Variants in BRD10 observed in about 807,000 individuals in gnomAD.
BRD10 encodes bromodomain containing 10.
chr9:5,940,446 G>A, the BRD10 span, among the ~76,000 whole-genome samples: 1 of 152,118 alleles, frequency 6.6e-6, no homozygotes, highest in Non-Finnish European at 1.5e-5. Context: ...GCCCACCTTG[G>A]CCTCCCAAAG....
At chr9:6,000,340 T>C in the BRD10 span, among the ~76,000 whole-genome samples, 1 of 152,124 alleles carries the variant, frequency 6.6e-6, no homozygotes, top group Non-Finnish European at 1.5e-5. Context: ...TAACATGAAT[T>C]TTAAGATTCA....
At chr9:5,883,557 G>C in the BRD10 span, among the ~76,000 whole-genome samples, 1 of 135,148 alleles carries the variant, frequency 7.4e-6, no homozygotes, top group African/African-American at 2.8e-5. Context: ...CCTCATTCTT[G>C]TGGGCTCAGG....
the BRD10 span, among the ~76,000 whole-genome samples, chr9:5,946,181 C>T: frequency 6.6e-6 from 1 of 151,874 alleles, no homozygotes; most frequent in African/African-American, 2.4e-5. Context: ...ACAAAAATGG[C>T]AAGACAGTTC....
chr9:5,916,029 A>G, the BRD10 span, among the ~76,000 whole-genome samples: 1 of 152,194 alleles, frequency 6.6e-6, no homozygotes, highest in Non-Finnish European at 1.5e-5. Context: ...AGAACCTTCT[A>G]AACTATGCTA....
the BRD10 span, among the ~76,000 whole-genome samples, chr9:5,981,184 C>A: frequency 2.0e-5 from 3 of 152,154 alleles, no homozygotes; most frequent in African/African-American, 7.2e-5. Flanking sequence ...AATGGAGAGA[C>A]CTGGGAGGTA....
At chr9:5,922,285 T>C in the BRD10 span, 1 of 1,613,960 alleles carries the variant, frequency 6.2e-7, no homozygotes, top group African/African-American at 1.3e-5. Flanking sequence ...TTGTTGTTGA[T>C]GACAGAGGCT....
chr9:5,999,502 C>T, the BRD10 span, among the ~76,000 whole-genome samples: 1 of 152,034 alleles, frequency 6.6e-6, no homozygotes, highest in African/African-American at 2.4e-5. Context: ...TTTTCTCCTT[C>T]TCTAATTCAT....
the BRD10 span, among the ~76,000 whole-genome samples, chr9:5,998,421 T>C: frequency 6.6e-6 from 1 of 152,158 alleles, no homozygotes; most frequent in African/African-American, 2.4e-5. Context: ...TTTAATAATC[T>C]ATATTGCAAA....
the BRD10 span, chr9:6,008,289 G>C: frequency 3.0e-6 from 3 of 984,680 alleles, no homozygotes; most frequent in Non-Finnish European, 3.6e-6. Context: ...ACCTGCGGGG[G>C]ACACGGGCAG....
the BRD10 span, among the ~76,000 whole-genome samples, chr9:5,933,543 T>C: frequency 1.3e-4 from 20 of 152,198 alleles, no homozygotes; most frequent in African/African-American, 4.3e-4. Context: ...TATAACCCCA[T>C]AGGGATTGCT....
chr9:5,893,006 G>A, the BRD10 span, among the ~76,000 whole-genome samples: 1 of 152,206 alleles, frequency 6.6e-6, no homozygotes, highest in East Asian at 1.9e-4. Flanking sequence ...TCGAGAGGAA[G>A]ATGGAGGTCA....
At chr9:5,997,803 T>C in the BRD10 span, among the ~76,000 whole-genome samples, 1 of 152,114 alleles carries the variant, frequency 6.6e-6, no homozygotes, top group Non-Finnish European at 1.5e-5. Flanking sequence ...TTATAGGTAG[T>C]GGGGTAGGTT....
At chr9:5,941,369 A>T in the BRD10 span, among the ~76,000 whole-genome samples, 5 of 152,236 alleles carry the variant, frequency 3.3e-5, no homozygotes, top group Non-Finnish European at 7.4e-5. Context: ...TTTCTTCTTT[A>T]GATCATGAAA....
At chr9:5,899,347 C>G in the BRD10 span, 1 of 152,120 alleles carries the variant, frequency 6.6e-6, no homozygotes, top group African/African-American at 2.4e-5. Context: ...GGATTCTTTC[C>G]CTCTTTGCCA....
the BRD10 span, among the ~76,000 whole-genome samples, chr9:5,954,976 T>C: frequency 6.6e-6 from 1 of 151,930 alleles, no homozygotes; most frequent in African/African-American, 2.4e-5. Flanking sequence ...TAATCTCAGC[T>C]ACCTGGGAGC....
At chr9:5,969,071 G>T in the BRD10 span, 1 of 1,613,208 alleles carries the variant, frequency 6.2e-7, no homozygotes, top group Admixed American at 1.7e-5. Context: ...AGGATTTTCA[G>T]TTTGCCCTAC....
At chr9:5,921,968 G>C in the BRD10 span, 160 of 1,613,958 alleles carry the variant, frequency 9.9e-5, no homozygotes, top group African/African-American at 1.5e-3. Context: ...TGAAAGACTA[G>C]ATGTAGTAGT....
chr9:5,913,965 A>T, the BRD10 span: 1 of 448,630 alleles, frequency 2.2e-6, no homozygotes, highest in Non-Finnish European at 4.5e-6. Flanking sequence ...AAAGTCTTGG[A>T]AAGAAGCACT....
At chr9:5,952,311 G>A in the BRD10 span, among the ~76,000 whole-genome samples, 1 of 152,108 alleles carries the variant, frequency 6.6e-6, no homozygotes, top group Admixed American at 6.5e-5. Context: ...GTGAGCCACT[G>A]GGCCCGGCCA....
Sources: gnomAD v4.1 joint callset for allele counts (sites outside exome capture counted in the v4.1 genomes callset) on GRCh38, gnomAD v4.1.1 for gene constraint, MANE v1.5 for transcripts, NCBI Gene and HGNC (gene_info 2026-07-23, HGNC 2026-07-21) for gene names.